Variants in CDH2 observed in about 807,000 individuals in gnomAD.
CDH2 encodes the protein cadherin 2, also known as cadherin-2.
In CDH2, 17 loss-of-function variants were observed where a neutral mutation model predicts 92.0. The observed-to-expected ratio is 0.18, with a 90% CI of 0.13 to 0.28. The LOEUF is 0.28. CDH2 is among the 10% of genes least tolerant of loss of function. CDH2 has a pLI of 1.00. For missense variants in CDH2, 862 were observed against 1,133.1 expected (o/e 0.76, Z 3.44); for synonymous variants, 419 against 415.9 (o/e 1.01, Z -0.09).
chr18:28,176,059 T>C (rs2016535548), intron 1 of CDH2, among the ~76,000 whole-genome samples: 1 of 152,164 alleles, frequency 6.6e-6, no homozygotes, highest in Admixed American at 6.5e-5. Flanking sequence ...CAGCGTGCAG[T>C]GGCGAGGGAA....
intron 2 of CDH2, among the ~76,000 whole-genome samples, chr18:28,053,484 T>C (rs958777660): frequency 3.3e-5 from 5 of 152,196 alleles, no homozygotes; most frequent in African/African-American, 1.2e-4. Context: ...GGGTTATTCA[T>C]GCTAAATGAA....
chr18:28,078,008 T>C (rs2014758016), intron 2 of CDH2, among the ~76,000 whole-genome samples: 1 of 152,138 alleles, frequency 6.6e-6, no homozygotes, highest in African/African-American at 2.4e-5. Context: ...AAGGACGTGT[T>C]TTTACCACAG....
At chr18:28,080,449 T>C (rs954982226) in intron 2 of CDH2, among the ~76,000 whole-genome samples, 3 of 152,102 alleles carry the variant, frequency 2.0e-5, no homozygotes, top group African/African-American at 7.2e-5. Context: ...CTTCTAAATT[T>C]TGAGGTTGTG....
chr18:28,040,234 C>T (rs946210990), intron 2 of CDH2, among the ~76,000 whole-genome samples: 2 of 152,068 alleles, frequency 1.3e-5, no homozygotes, highest in Non-Finnish European at 2.9e-5. Flanking sequence ...TTAAAGAGAA[C>T]CACCCCAGAA....
chr18:28,055,219 G>A (rs772224345), intron 2 of CDH2, among the ~76,000 whole-genome samples: 2 of 152,074 alleles, frequency 1.3e-5, no homozygotes, highest in Non-Finnish European at 2.9e-5. Context: ...CAGATCTCAC[G>A]AGACTTACTA....
In CDH2 at chr18:27,993,517, C is replaced by T; in HGVS notation, c.1141G>A (p.Glu381Lys). ...TVTDVNDNPPEFTAMTFYGEV... is the reference protein window; with the variant it reads ...TVTDVNDNPPKFTAMTFYGEV... ...GTACTCACCGTCATGGCAGTAAACT[C>T]TGGAGGATTGTCATTGACATCTGTC... Residue 381 changes from glutamate to lysine, a missense_variant, in exon 8 of 16, where the codon GAG becomes AAG. Around this residue, in one of 5 missense-constraint regions of CDH2, gnomAD observed 564 missense variants for 722.2 expected, o/e 0.78. Transcript: ENST00000269141. The T allele has an allele frequency of 6.2e-7, 1 of 1,614,012 alleles. No individual in the cohort carries two copies. Among genetic ancestry groups the T allele is most frequent in the Non-Finnish European group, 8.5e-7 (1 of 1,179,946 alleles).
intron 15 of CDH2, among the ~76,000 whole-genome samples, chr18:27,961,661 A>G (rs977981714): frequency 6.6e-6 from 1 of 152,190 alleles, no homozygotes; most frequent in Admixed American, 6.5e-5. Flanking sequence ...AATAAACCTT[A>G]CTGTTTGTTT....
In CDH2 at chr18:28,078,511, C is replaced by T. The variant is rs78268363; in HGVS notation, c.173-64602G>A. Among the ~76,000 whole-genome samples the T allele has an allele frequency of 4.1e-3, 620 of 152,088 alleles. 1 individual carries two copies. The highest frequency in any genetic ancestry group is 6.8e-3 in the Middle Eastern group (2 of 294). On this transcript the variant is annotated intron_variant, in intron 2 of 15. Transcript: ENST00000269141. ...ATACTGAGGCGATGGAGGGCAATGACGCTATTTCTGACTTCAGGACAAAGT... is the reference window on the plus strand; with the variant it reads ...ATACTGAGGCGATGGAGGGCAATGATGCTATTTCTGACTTCAGGACAAAGT...
At chr18:28,066,251 T>C (rs1221752907) in intron 2 of CDH2, among the ~76,000 whole-genome samples, 3 of 152,168 alleles carry the variant, frequency 2.0e-5, no homozygotes, top group Non-Finnish European at 4.4e-5. Context: ...ACTTACTAAA[T>C]ATAAAATAAT....
At chr18:28,014,742 A>G (rs1335382874) in intron 2 of CDH2, among the ~76,000 whole-genome samples, 1 of 151,986 alleles carries the variant, frequency 6.6e-6, no homozygotes, top group Non-Finnish European at 1.5e-5. Context: ...AAAAAAAAAC[A>G]ACTACTGCTG....
At chr18:27,972,430 C>T (rs567410749) in intron 14 of CDH2, among the ~76,000 whole-genome samples, 4 of 152,236 alleles carry the variant, frequency 2.6e-5, no homozygotes, top group East Asian at 1.9e-4. Context: ...CCTGAACTCT[C>T]GAGTCACATA....
chr18:28,134,936 G>C (rs912718762), intron 2 of CDH2, among the ~76,000 whole-genome samples: 1 of 152,136 alleles, frequency 6.6e-6, no homozygotes, highest in African/African-American at 2.4e-5. Flanking sequence ...GTGCCCAAAA[G>C]GCTCGATCAG....
At chr18:28,007,268 C>T (rs761017868) in intron 5 of CDH2, among the ~76,000 whole-genome samples, 11 of 149,532 alleles carry the variant, frequency 7.4e-5, no homozygotes, top group Non-Finnish European at 1.6e-4. Flanking sequence ...GAAACTTTAT[C>T]TTATTTTTCT....
chr18:27,941,970 C>T (rs975895632), intron 6 of CDH2, among the ~76,000 whole-genome samples: 1 of 152,160 alleles, frequency 6.6e-6, no homozygotes, highest in Non-Finnish European at 1.5e-5. Context: ...GACCAGAAAT[C>T]AAGTACAATT....
At chr18:27,949,005 T>C (rs144303970), downstream of CDH2, among the ~76,000 whole-genome samples, 7 of 152,110 alleles carry the variant, frequency 4.6e-5, no homozygotes, top group Admixed American at 2.0e-4. Flanking sequence ...TAGAAAAACA[T>C]GTTTCTGGAT....
intron 2 of CDH2, among the ~76,000 whole-genome samples, chr18:28,134,151 A>G (rs1018337292): frequency 1.1e-4 from 16 of 151,594 alleles, no homozygotes; most frequent in African/African-American, 3.6e-4. Flanking sequence ...AAAAAAAAAA[A>G]AAAAAAGACT....
chr18:28,109,108 T>C (rs1263035049), intron 2 of CDH2, among the ~76,000 whole-genome samples: 1 of 152,156 alleles, frequency 6.6e-6, no homozygotes, highest in Non-Finnish European at 1.5e-5. Flanking sequence ...ACCTAAATAC[T>C]GTATCTACAA....
downstream of CDH2, among the ~76,000 whole-genome samples, chr18:27,950,808 C>G (rs1348634113): frequency 2.0e-5 from 3 of 152,172 alleles, no homozygotes; most frequent in Admixed American, 2.0e-4. Flanking sequence ...CAAAATGATT[C>G]TCTCTGCTGC....
intron 2 of CDH2, among the ~76,000 whole-genome samples, chr18:28,143,373 A>T (rs990013287): frequency 1.3e-5 from 2 of 152,150 alleles, no homozygotes; most frequent in Middle Eastern, 6.8e-3. Context: ...TTTATTTTCA[A>T]GAAATATGCT....
Sources: gnomAD v4.1 joint callset for allele counts (sites outside exome capture counted in the v4.1 genomes callset) on GRCh38, gnomAD v4.1.1 for gene constraint, gnomAD v4.1.1 regional missense constraint, MANE v1.5 for transcripts, NCBI Gene and HGNC (gene_info 2026-07-23, HGNC 2026-07-21) for gene names.